PAM: variants seen among roughly 807,000 people sequenced by gnomAD.
The protein encoded by PAM is peptidylglycine alpha-amidating monooxygenase, also known as peptidyl-glycine alpha-amidating monooxygenase.
A neutral mutation model predicts 122.1 loss-of-function variants in PAM; 72 were observed. The ratio of observed to expected loss-of-function variants is 0.59; its 90% CI spans 0.49 to 0.72. The LOEUF is 0.72. Ranked by LOEUF, PAM falls within the 30% of genes least tolerant of loss-of-function variation. The probability of loss-of-function intolerance (pLI) is 0.00; values close to 1 mark genes in which losing one functional copy is unlikely to be tolerated. For synonymous variants in PAM, 389 were observed against 404.4 expected, an observed-to-expected ratio of 0.96 and a Z score of 0.46; for missense variants, 1,106 against 1,183.7, an observed-to-expected ratio of 0.93 and a Z score of 0.96.
chr5:103,016,697 C>T (rs748187573), intron 21 of PAM, among the ~76,000 whole-genome samples: 2 of 152,150 alleles, frequency 1.3e-5, no homozygotes, highest in Non-Finnish European at 2.9e-5. Context: ...CCAGGAAGTA[C>T]TTGGAGGTAA....
Position 103,028,939 on chromosome 5 carries a change from C to G in PAM, c.2796C>G (p.Gly932=). The G allele has an allele frequency of 6.2e-7, 1 of 1,613,536 alleles. No homozygotes were observed. The highest frequency in any genetic ancestry group is 8.5e-7 in the Non-Finnish European group (1 of 1,179,698). The change falls in exon 26 of 26, where the codon GGC becomes GGG. Residue 932 remains glycine (G), a synonymous_variant. Transcript: ENST00000438793. ...NLGNFFASRK[G]YSRKGFDRLS... ...GTAATTTCTTTGCAAGCCGTAAGGG[C>G]TACAGTCGAAAAGGGTTTGACCGGC...
At chr5:102,761,074 C>T (rs906559640) in intron 1 of PAM, among the ~76,000 whole-genome samples, 3 of 152,140 alleles carry the variant, frequency 2.0e-5, no homozygotes, top group African/African-American at 7.2e-5. Context: ...GGAGCATAGC[C>T]AGTCCAGCAG....
chr5:102,830,900 G>C (rs76369450), intron 1 of PAM, among the ~76,000 whole-genome samples: 2 of 91,288 alleles, frequency 2.2e-5, no homozygotes, highest in East Asian at 3.1e-4. Context: ...GTTTTGTTTT[G>C]TTTTGTTTTG....
At chr5:102,929,225 A>G (rs974581119) in intron 7 of PAM, among the ~76,000 whole-genome samples, 1 of 152,222 alleles carries the variant, frequency 6.6e-6, no homozygotes, top group Non-Finnish European at 1.5e-5. Context: ...TGCCAAAAAA[A>G]GAATATGAAT....
chr5:102,821,683 A>G (rs1256233058), intron 1 of PAM, among the ~76,000 whole-genome samples: 1 of 152,172 alleles, frequency 6.6e-6, no homozygotes, highest in Non-Finnish European at 1.5e-5. Context: ...AAGTACTGTT[A>G]TAATTACCTT....
intron 16 of PAM, among the ~76,000 whole-genome samples, chr5:102,991,958 T>C (rs755306475): frequency 1.8e-4 from 27 of 152,168 alleles, no homozygotes; most frequent in Non-Finnish European, 3.4e-4. Flanking sequence ...CTGTTTCAGC[T>C]GACTAAAGCT....
intron 15 of PAM, among the ~76,000 whole-genome samples, chr5:102,984,549 T>G (rs1251434151): frequency 1.3e-5 from 2 of 152,180 alleles, no homozygotes; most frequent in East Asian, 3.8e-4. Context: ...ATACCAGTTC[T>G]AAATATATAT....
At chr5:102,886,841 A>G (rs1214763355) in intron 3 of PAM, among the ~76,000 whole-genome samples, 1 of 152,116 alleles carries the variant, frequency 6.6e-6, no homozygotes, top group Non-Finnish European at 1.5e-5. Context: ...TTGTTTGCAC[A>G]GTATTCTGTA....
chr5:102,794,102 C>A (rs779891455), intron 1 of PAM, among the ~76,000 whole-genome samples: 1 of 152,184 alleles, frequency 6.6e-6, no homozygotes, highest in Non-Finnish European at 1.5e-5. Flanking sequence ...CCTTGAGACT[C>A]TGGCTTTCTA....
intron 1 of PAM, among the ~76,000 whole-genome samples, chr5:102,800,209 T>C (rs1393992244): frequency 6.6e-6 from 1 of 152,196 alleles, no homozygotes; most frequent in Non-Finnish European, 1.5e-5. Context: ...GCTTCTATTC[T>C]TCGATTTTTA....
chr5:102,821,825 A>C (rs1211741514), intron 1 of PAM, among the ~76,000 whole-genome samples: 1 of 152,202 alleles, frequency 6.6e-6, no homozygotes, highest in South Asian at 2.1e-4. Flanking sequence ...TGTGACTTTA[A>C]GTGAAATAAT....
chr5:102,954,521 A>C (rs1267860093), intron 12 of PAM, among the ~76,000 whole-genome samples: 5 of 151,622 alleles, frequency 3.3e-5, no homozygotes, highest in Middle Eastern at 3.2e-3. Context: ...TGTTTTACCC[A>C]TATATTATAT....
chr5:102,811,283 G>T (rs971322979), intron 1 of PAM, among the ~76,000 whole-genome samples: 3 of 152,218 alleles, frequency 2.0e-5, no homozygotes, highest in Non-Finnish European at 4.4e-5. Context: ...ACATCAAGGT[G>T]TCAGAAGGGC....
chr5:102,987,564 T>A lies in PAM; in HGVS notation c.1484-2708T>A, dbSNP rs1057485489. ...GTTTCCAGTGCAAAGAAATGATAAGTGTTCAAGGTGATGTATATTCTAAAT... is the reference window on the plus strand; with the variant it reads ...GTTTCCAGTGCAAAGAAATGATAAGAGTTCAAGGTGATGTATATTCTAAAT... On this transcript the variant is annotated intron_variant, in intron 15 of 25. Transcript: ENST00000438793. 1.1e-5 allele frequency: 5 copies of A among 455,632 alleles called. No homozygotes were observed. In the Admixed American group the frequency reaches 1.2e-4, roughly 11 times the overall value. 28.2% of individuals were successfully genotyped at this position (455,632 alleles called of 1,614,324 possible). A position where few individuals can be genotyped will look rare whatever the true frequency, so the allele number is the denominator to read the frequency against.
chr5:102,838,721 G>A (rs1309173553), intron 1 of PAM: 1 of 152,158 alleles, frequency 6.6e-6, no homozygotes, highest in Non-Finnish European at 1.5e-5. Flanking sequence ...GAAACAGTGA[G>A]GAGAAGGCAG....
At chr5:102,917,364 A>G (rs558135618) in intron 5 of PAM, among the ~76,000 whole-genome samples, 2 of 152,298 alleles carry the variant, frequency 1.3e-5, no homozygotes, top group South Asian at 4.1e-4. Context: ...TATAGTTGCA[A>G]ATCTATTCTT....
At chr5:103,014,724 G>A (rs1442156722) in intron 21 of PAM, among the ~76,000 whole-genome samples, 1 of 152,144 alleles carries the variant, frequency 6.6e-6, no homozygotes, top group Admixed American at 6.5e-5. Flanking sequence ...CCATCTGAAT[G>A]TAGGGACTCT....
chr5:102,899,122 A>G (rs988071775), intron 3 of PAM, among the ~76,000 whole-genome samples: 1 of 151,422 alleles, frequency 6.6e-6, no homozygotes, highest in African/African-American at 2.4e-5. Flanking sequence ...GGCTTTAACA[A>G]CTTAGGAAAG....
chr5:102,795,577 A>T (rs1763195645), intron 1 of PAM, among the ~76,000 whole-genome samples: 1 of 152,186 alleles, frequency 6.6e-6, no homozygotes. Context: ...CTTAATGGCT[A>T]CCCTTTTGAC....
Sources: gnomAD v4.1 joint callset for allele counts (sites outside exome capture counted in the v4.1 genomes callset) on GRCh38, gnomAD v4.1.1 for gene constraint, MANE v1.5 for transcripts, NCBI Gene and HGNC (gene_info 2026-07-23, HGNC 2026-07-21) for gene names.